Variants in TMEM87B observed in about 807,000 individuals in gnomAD.
TMEM87B encodes transmembrane protein 87B.
TMEM87B carries 83 observed loss-of-function variants against 80.3 expected under a neutral mutation model. The ratio of observed to expected loss-of-function variants is 1.03; its 90% CI spans 0.87 to 1.24. The LOEUF (loss-of-function observed/expected upper bound fraction) is 1.24. Ranked by LOEUF, TMEM87B falls within the 50% of genes most tolerant of loss-of-function variation. The probability of loss-of-function intolerance (pLI) is 0.00; values close to 1 mark genes in which losing one functional copy is unlikely to be tolerated. For synonymous variants in TMEM87B, 219 were observed against 230.5 expected (o/e 0.95, Z 0.45); for missense variants, 625 against 674.4 (o/e 0.93, Z 0.81).
At chr2:112,107,962 A>G in intron 17 of TMEM87B, 122 bp downstream of exon 17, 1 of 525,236 alleles carries the variant, frequency 1.9e-6, no homozygotes, top group Non-Finnish European at 3.4e-6. Context: ...GTAAGCCCCT[A>G]TCACCAGTAC....
intron 9 of TMEM87B, among the ~76,000 whole-genome samples, chr2:112,088,920 G>A (rs1291821330): frequency 6.6e-6 from 1 of 151,860 alleles, no homozygotes; most frequent in East Asian, 1.9e-4. Flanking sequence ...CACCACCCCC[G>A]GCTAATTGTT....
In TMEM87B at chr2:112,077,106, C is replaced by T. The variant is rs1029304582; in HGVS notation, c.502-86C>T. ...TTTAAAAAGTAACCCGATTCAATTA[C>T]TTTAAAATATGGCAAACAGTTGTTC... On this transcript the variant is annotated intron_variant, in intron 5 of 18. Transcript: ENST00000283206. The T allele has an allele frequency of 1.6e-5, 8 of 515,366 alleles. No individual in the cohort carries two copies. The African/African-American group carries it at 1.6e-4, about 10-fold the overall frequency. The allele number at this position is 515,366 out of a possible 1,614,324, so 31.9% of individuals were successfully genotyped here.
At position 112,106,082 on chromosome 2, in the gene TMEM87B, A is replaced by G. The variant is rs757771677; in HGVS notation, c.1524+7A>G. ...TGCCACTTCTGAGAACTTTGTGAGT[A>G]TGGTATATATTTAGTACAATCTTAG... On this transcript the variant is annotated splice_region_variant and intron_variant, in intron 16 of 18. Transcript: ENST00000283206. 14 of 1,540,664 alleles carry G rather than the reference A, an allele frequency of 9.1e-6. No individual in the cohort carries two copies. Among genetic ancestry groups the G allele is most frequent in the Non-Finnish European group, 1.2e-5 (14 of 1,148,006 alleles).
In TMEM87B at chr2:112,116,212, T is replaced by A. The variant is rs1558855832; in HGVS notation, c.*69T>A. 7.3e-7 allele frequency: 1 copy of A among 1,371,464 alleles called. No homozygotes were observed. Among genetic ancestry groups the A allele is most frequent in the African/African-American group, 1.4e-5 (1 of 69,032 alleles). The allele number at this position is 1,371,464 out of a possible 1,614,324, so 85.0% of individuals were successfully genotyped here. On this transcript the variant is annotated 3_prime_UTR_variant, in exon 19 of 19. Transcript: ENST00000283206. ...CTTCATCAAGACTGAAAGTGAGCTT[T>A]GATTTGATATTGCCTAAAAATTTTT... is the stretch of plus-strand genomic sequence containing the variant.
intron 6 of TMEM87B, among the ~76,000 whole-genome samples, chr2:112,079,035 T>G (rs774533405): frequency 2.6e-5 from 4 of 152,228 alleles, no homozygotes; most frequent in African/African-American, 4.8e-5. Flanking sequence ...CAAAGTAATG[T>G]TATAATCTAT....
rs1678999281 is a variant in TMEM87B at position 112,081,536 on chromosome 2, C to A, written c.838+18C>A. On this transcript the variant is annotated intron_variant, in intron 8 of 18. Transcript: ENST00000283206. ...ACTGTCAAGTAAGTTTTGACTGTCT[C>A]TGTAAATATAGTATGATCTAAGAGT... is the stretch of plus-strand genomic sequence containing the variant. 6.3e-7 allele frequency: 1 copy of A among 1,590,672 alleles called. No individual in the cohort carries two copies. Among genetic ancestry groups the A allele is most frequent in the Middle Eastern group, 2.2e-4 (1 of 4,458 alleles).
chr2:112,109,879 G>A (rs1679868200), intron 17 of TMEM87B, among the ~76,000 whole-genome samples: 2 of 149,316 alleles, frequency 1.3e-5, no homozygotes, highest in Admixed American at 1.4e-4. Context: ...TGATTCTTCT[G>A]CCTCAGCCTC....
intron 4 of TMEM87B, among the ~76,000 whole-genome samples, chr2:112,067,514 G>A (rs909609277): frequency 1.6e-4 from 24 of 152,268 alleles, no homozygotes; most frequent in African/African-American, 5.3e-4. Context: ...CATGAGAATT[G>A]CTTGAACTCG....
Position 112,055,746 on chromosome 2 carries a change from C to T in TMEM87B, c.155C>T (p.Thr52Ile). 6.7e-7 allele frequency: 1 copy of T among 1,494,022 alleles called. No individual in the cohort carries two copies. Among genetic ancestry groups the T allele is most frequent in the Non-Finnish European group, 8.9e-7 (1 of 1,127,190 alleles). The allele number at this position is 1,494,022 out of a possible 1,614,324, so 92.5% of individuals were successfully genotyped here. A position where few individuals can be genotyped will look rare whatever the true frequency, so the allele number is the denominator to read the frequency against. ...CCTGAGCTCGGGCTCTGGTTAGAGA[C>T]AGTCAACGACGTAAGTGGAGTGTCG... ...AVPELGLWLE[T>I]VNDKSGPLIF... The change falls in exon 1 of 19, where the codon ACA (threonine) becomes ATA (isoleucine). Residue 52 changes from threonine (T) to isoleucine (I), a missense_variant. By Grantham distance (89) the Thr-to-Ile change is moderately conservative. Coordinates refer to ENST00000283206, the MANE Select transcript of TMEM87B (RefSeq NM_032824.3).
intron 11 of TMEM87B, among the ~76,000 whole-genome samples, chr2:112,096,015 C>T (rs1210744605): frequency 6.6e-6 from 1 of 151,938 alleles, no homozygotes; most frequent in Non-Finnish European, 1.5e-5. Flanking sequence ...ACACCCCCCT[C>T]CAAACCCCCT....
In TMEM87B at chr2:112,117,616, T is replaced by C. The variant is rs1573736469; in HGVS notation, c.*1473T>C. 6.6e-6 allele frequency: 1 copy of C among 151,862 alleles called. No homozygotes were observed. The highest frequency in any genetic ancestry group is 1.9e-4 in the East Asian group (1 of 5,182). The allele number at this position is 151,862 out of a possible 1,614,324, so 9.4% of individuals were successfully genotyped here. A position where few individuals can be genotyped will look rare whatever the true frequency, so the allele number is the denominator to read the frequency against. Reference sequence around the variant, plus strand: ...GTGTTGGCAAACATTACCGAGAAAATCATGCTTTTCAAGATGCCCTTGCTT... The same window carrying C: ...GTGTTGGCAAACATTACCGAGAAAACCATGCTTTTCAAGATGCCCTTGCTT... On this transcript the variant is annotated 3_prime_UTR_variant, in exon 19 of 19. Transcript: ENST00000283206.
chr2:112,107,676 A>G lies in TMEM87B; in HGVS notation c.1525-112A>G, dbSNP rs189227872. On this transcript the variant is annotated intron_variant, in intron 16 of 18. Transcript: ENST00000283206. The stretch of plus-strand genomic sequence containing the variant: ...CCAACTTAGGACATATGTAGAAACT[A>G]AAAGAATGTCAAATATTTACATTTA... 3 of 513,880 alleles carry G rather than the reference A, an allele frequency of 5.8e-6. No homozygotes were observed. The African/African-American group carries it at 5.9e-5, about 10-fold the overall frequency. The allele number at this position is 513,880 out of a possible 1,614,324, so 31.8% of individuals were successfully genotyped here.
chr2:112,075,008 G>A (rs371880988), intron 5 of TMEM87B, 46 bp downstream of exon 5: 32 of 1,559,150 alleles, frequency 2.1e-5, no homozygotes, highest in Non-Finnish European at 2.5e-5. Context: ...ACAAGTTAAC[G>A]TAAGACTGAA....
At chr2:112,110,030 T>A (rs1679871647) in intron 17 of TMEM87B, among the ~76,000 whole-genome samples, 1 of 152,212 alleles carries the variant, frequency 6.6e-6, no homozygotes, top group South Asian at 2.1e-4. Flanking sequence ...CCTTCCAAAG[T>A]GCTAGGATTA....
rs758564231 is a variant in TMEM87B at position 112,081,507 on chromosome 2, C to G, written c.827C>G (p.Thr276Ser). 5 of 1,607,062 alleles carry G rather than the reference C, an allele frequency of 3.1e-6. No individual in the cohort carries two copies. The highest frequency in any genetic ancestry group is 1.7e-6 in the Non-Finnish European group (2 of 1,178,024). The change falls in exon 8 of 19, where the codon ACT becomes AGT. Residue 276 changes from threonine (T) to serine (S), a missense_variant. Coordinates refer to ENST00000283206, the MANE Select transcript of TMEM87B (RefSeq NM_032824.3). ...FYSEYQNISN[T>S]GLSTQGLLIF... is the part of the protein sequence containing the mutation. Reference sequence around the variant, plus strand: ...AGTGAATACCAAAACATCAGCAACACTGGACTGTCAAGTAAGTTTTGACTG... The same window carrying G: ...AGTGAATACCAAAACATCAGCAACAGTGGACTGTCAAGTAAGTTTTGACTG...
chr2:112,105,556 T>C (rs1484225744), intron 15 of TMEM87B, among the ~76,000 whole-genome samples: 3 of 152,226 alleles, frequency 2.0e-5, no homozygotes, highest in Non-Finnish European at 2.9e-5. Context: ...TGGTCAAATA[T>C]GAAAGAAATC....
intron 1 of TMEM87B, among the ~76,000 whole-genome samples, chr2:112,057,507 C>T (rs1398558358): frequency 6.6e-6 from 1 of 152,228 alleles, no homozygotes; most frequent in African/African-American, 2.4e-5. Flanking sequence ...AACTGCTGGC[C>T]TCAAGCCATC....
In TMEM87B at chr2:112,068,850, A is replaced by G. The variant is rs547583385; in HGVS notation, c.450+1783A>G. On this transcript the variant is annotated intron_variant, in intron 4 of 18. Transcript: ENST00000283206. ...TCATTAAGGAGAAGGTTTTATTTTT[A>G]TTTTTTAACTTTTATTTTCAGGGGT... Among the ~76,000 whole-genome samples the G allele has an allele frequency of 2.6e-5, 4 of 152,248 alleles. No homozygotes were observed. In the South Asian group the frequency reaches 8.3e-4, roughly 32 times the overall value.
At chr2:112,059,174 A>G (rs1678169858) in intron 1 of TMEM87B, among the ~76,000 whole-genome samples, 1 of 152,112 alleles carries the variant, frequency 6.6e-6, no homozygotes, top group Non-Finnish European at 1.5e-5. Flanking sequence ...TTTGTTTTTA[A>G]TGCCTAATCA....
Sources: allele counts gnomAD v4.1 joint callset (sites outside exome capture counted in the v4.1 genomes callset), GRCh38; gene constraint gnomAD v4.1.1; transcripts MANE v1.5; gene names NCBI Gene and HGNC (gene_info 2026-07-23, HGNC 2026-07-21).